The following DYNC2H1 variants were observed in gnomAD, a reference collection of about 807,000 sequenced individuals.
DYNC2H1 encodes the protein cytoplasmic dynein 2 heavy chain 1.
Under a neutral mutation model 570.0 loss-of-function variants are expected in DYNC2H1, and 410 were observed. The ratio of observed to expected loss-of-function variants is 0.72; its 90% CI spans 0.66 to 0.78. The LOEUF (loss-of-function observed/expected upper bound fraction) is 0.78. Among genes scored for constraint, DYNC2H1 ranks in the 30% least tolerant of loss-of-function variants. The pLI is 0.00. For missense variants in DYNC2H1, 4,865 were observed against 5,046.4 expected, an observed-to-expected ratio of 0.96 and a Z score of 1.09; for synonymous variants, 1,688 against 1,677.6, an observed-to-expected ratio of 1.01 and a Z score of -0.15.
At chr11:103,302,902 G>A (rs1290445006) in intron 75 of DYNC2H1, among the ~76,000 whole-genome samples, 191 bp from the exon 76 acceptor site, 1 of 151,932 alleles carries the variant, frequency 6.6e-6, no homozygotes, top group Admixed American at 6.6e-5. Context: ...TTAGAAAAAT[G>A]CCCGGCACCT....
intron 87 of DYNC2H1, among the ~76,000 whole-genome samples, chr11:103,463,506 T>G (rs141469345): frequency 1.7e-4 from 26 of 152,222 alleles, no homozygotes; most frequent in African/African-American, 6.3e-4. Context: ...TCCCAGCACT[T>G]TGGGAGGCTG....
chr11:103,191,695 ATAAGT>A (rs1298892425), intron 46 of DYNC2H1, 76 bp downstream of exon 46: 20 of 708,776 alleles, frequency 2.8e-5, no homozygotes, highest in South Asian at 4.2e-5. Flanking sequence ...TTTGTAATAG[ATAAGT>A]TAAATGCGTA....
At chr11:103,424,196 T>G (rs1465755014) in intron 84 of DYNC2H1, among the ~76,000 whole-genome samples, 2 of 152,104 alleles carry the variant, frequency 1.3e-5, no homozygotes, top group Non-Finnish European at 2.9e-5. Flanking sequence ...TGTGAATATA[T>G]TAAAACCCAC....
chr11:103,156,799 C>T (rs754439081), intron 26 of DYNC2H1, 29 bp downstream of exon 26: 4 of 1,575,204 alleles, frequency 2.5e-6, no homozygotes, highest in Non-Finnish European at 2.6e-6. Context: ...GACATAGACA[C>T]ATATGGTATT....
chr11:103,223,823 C>A (rs1863694874), intron 59 of DYNC2H1, among the ~76,000 whole-genome samples: 1 of 150,722 alleles, frequency 6.6e-6, no homozygotes, highest in Admixed American at 6.6e-5. Flanking sequence ...TCTCAGCTTA[C>A]TTCAACCTCC....
Position 103,245,318 on chromosome 11 carries a change from T to A in DYNC2H1, c.9986T>A (p.Met3329Lys), listed in dbSNP as rs765115556. The change falls in exon 65 of 89, where the codon ATG becomes AAG. Residue 3329 changes from methionine to lysine, a missense_variant. Met to Lys is a moderately conservative substitution (Grantham distance 95, BLOSUM62 -1). Around this residue, in one of 5 missense-constraint regions of DYNC2H1, gnomAD observed 2,401 missense variants for 2,454.6 expected, o/e 0.98. Coordinates refer to ENST00000375735, the MANE Select transcript of DYNC2H1 (RefSeq NM_001377.3). This position sits in a 1 kb window ranked among gnomAD's most constrained non-coding sequence, Gnocchi z 4.5. Reference sequence around the variant, plus strand: ...GGGAAAACCCTTATTATACAAGAGATGGATGGTGTAGAACCTGTTCTTTAT... The same window carrying A: ...GGGAAAACCCTTATTATACAAGAGAAGGATGGTGTAGAACCTGTTCTTTAT... ...RFGKTLIIQE[M>K]DGVEPVLYPL... The A allele has an allele frequency of 6.4e-7, 1 of 1,572,378 alleles. No homozygotes were observed. The highest frequency in any genetic ancestry group is 8.6e-7 in the Non-Finnish European group (1 of 1,157,572).
Position 103,170,189 on chromosome 11 carries a change from G to A in DYNC2H1, c.5050G>A (p.Gly1684Arg). ...TLTQAMKMGL[G>R]GNPYGPAGTG... The stretch of plus-strand genomic sequence containing the variant: ...CACTCAAGCCATGAAGATGGGACTT[G>A]GAGGAAATCCTTATGGACCAGCTGG... The change falls in exon 33 of 89, where the codon GGA (glycine) becomes AGA (arginine). Residue 1684 changes from glycine (G) to arginine (R), a missense_variant. Around this residue, in one of 5 missense-constraint regions of DYNC2H1, gnomAD observed 1,936 missense variants for 1,962.1 expected, o/e 0.99. Transcript: ENST00000375735. The surrounding 1 kb of genome is among the most constrained non-coding windows in gnomAD (Gnocchi z 4.8). 6.2e-7 allele frequency: 1 copy of A among 1,613,004 alleles called. No homozygotes were observed. The highest frequency in any genetic ancestry group is 8.5e-7 in the Non-Finnish European group (1 of 1,179,436).
Position 103,186,968 on chromosome 11 carries a change from T to A in DYNC2H1, c.6894-372T>A, listed in dbSNP as rs1862097476. Among the ~76,000 whole-genome samples the A allele has an allele frequency of 6.6e-6, 1 of 152,046 alleles. No homozygotes were observed. The highest frequency in any genetic ancestry group is 2.4e-5 in the African/African-American group (1 of 41,432). Reference sequence around the variant, plus strand: ...ATTTCTAGTAGGGGAGTAGTAATTTTAAAAATTGTATAAAATCATAGTAAT... The same window carrying A: ...ATTTCTAGTAGGGGAGTAGTAATTTAAAAAATTGTATAAAATCATAGTAAT... On this transcript the variant is annotated intron_variant, in intron 42 of 88. Coordinates refer to ENST00000375735, the MANE Select transcript of DYNC2H1 (RefSeq NM_001377.3). The surrounding 1 kb of genome is among the most constrained non-coding windows in gnomAD (Gnocchi z 4.5).
At chr11:103,376,119 T>C (rs767997300) in intron 83 of DYNC2H1, among the ~76,000 whole-genome samples, 4 of 152,178 alleles carry the variant, frequency 2.6e-5, no homozygotes, top group Non-Finnish European at 5.9e-5. Flanking sequence ...GCATTTCCCC[T>C]GCTGGCACTC....
In DYNC2H1 at chr11:103,257,767, C is replaced by A; in HGVS notation, c.10605+16C>A. On this transcript the variant is annotated intron_variant, in intron 69 of 88. Coordinates refer to ENST00000375735, the MANE Select transcript of DYNC2H1 (RefSeq NM_001377.3). The stretch of plus-strand genomic sequence containing the variant: ...AAACAAACAGGTAAGCTGTTGGATA[C>A]CCTGTACCAGAGACTGAATTACAGG... The A allele has an allele frequency of 2.6e-6, 4 of 1,557,386 alleles. No individual in the cohort carries two copies. The highest frequency in any genetic ancestry group is 3.5e-6 in the Non-Finnish European group (4 of 1,150,230).
At chr11:103,387,511 T>A (rs1007147990) in intron 83 of DYNC2H1, among the ~76,000 whole-genome samples, 15 of 152,328 alleles carry the variant, frequency 9.8e-5, no homozygotes, top group Admixed American at 8.5e-4. Context: ...TTTAATTAGA[T>A]CTCATTTGTC....
chr11:103,409,868 G>T (rs549537571), intron 84 of DYNC2H1, among the ~76,000 whole-genome samples: 2 of 152,044 alleles, frequency 1.3e-5, no homozygotes, highest in Admixed American at 1.3e-4. Context: ...AAGGTATAAG[G>T]GTTTGTCTTT....
chr11:103,323,772 A>G, intron 81 of DYNC2H1, 114 bp from the exon 82 acceptor site: 1 of 837,358 alleles, frequency 1.2e-6, no homozygotes, highest in Non-Finnish European at 1.8e-6. Flanking sequence ...ATTTATCTAG[A>G]AAATAAAAAT....
Position 103,189,966 on chromosome 11 carries a change from G to A in DYNC2H1, c.7437+150G>A. ...GAGAGTAACTGTGAAGACAGGTGCT[G>A]TGTGTGCCTTATTCACTGTTGTATC... On this transcript the variant is annotated intron_variant, in intron 45 of 88. Coordinates refer to ENST00000375735, the MANE Select transcript of DYNC2H1 (RefSeq NM_001377.3). The surrounding 1 kb of genome is among the most constrained non-coding windows in gnomAD (Gnocchi z 4.3). 1.3e-6 allele frequency: 1 copy of A among 756,906 alleles called. No individual in the cohort carries two copies. Among genetic ancestry groups the A allele is most frequent in the Non-Finnish European group, 2.0e-6 (1 of 490,122 alleles). 46.9% of individuals were successfully genotyped at this position (756,906 alleles called of 1,614,324 possible).
intron 59 of DYNC2H1, among the ~76,000 whole-genome samples, chr11:103,226,255 T>C (rs534722189): frequency 6.6e-6 from 1 of 152,270 alleles, no homozygotes; most frequent in East Asian, 1.9e-4. Context: ...CTATGTTGAA[T>C]AGAAGTGGTG....
At chr11:103,306,525 T>C (rs867696920) in intron 77 of DYNC2H1, among the ~76,000 whole-genome samples, 1 of 152,096 alleles carries the variant, frequency 6.6e-6, no homozygotes, top group African/African-American at 2.4e-5. Flanking sequence ...TTCTTTTACC[T>C]TTTAAATTTT....
At chr11:103,357,214 G>T (rs2671335) in intron 82 of DYNC2H1, among the ~76,000 whole-genome samples, 83,270 of 151,770 alleles carry the variant, frequency 0.55, 24,699 homozygotes, top group Admixed American at 0.66. Flanking sequence ...CTTAAAATGG[G>T]AATCATTAAG....
At position 103,268,030 on chromosome 11, in the gene DYNC2H1, A is replaced by G. The variant is rs967526415; in HGVS notation, c.10695+8053A>G. Among the ~76,000 whole-genome samples, 4 of 152,000 alleles carry G rather than the reference A, an allele frequency of 2.6e-5. No homozygotes were observed. Among genetic ancestry groups the G allele is most frequent in the Non-Finnish European group, 5.9e-5 (4 of 67,922 alleles). ...ATTTATACATTTTTTGTTCTTATAC[A>G]TGACTATAGTGAATATCCTATATGG... On this transcript the variant is annotated intron_variant, in intron 70 of 88. Transcript: ENST00000375735. The surrounding 1 kb of genome is among the most constrained non-coding windows in gnomAD (Gnocchi z 4.6).
At chr11:103,398,309 C>T (rs1591683505) in intron 83 of DYNC2H1, among the ~76,000 whole-genome samples, 1 of 152,038 alleles carries the variant, frequency 6.6e-6, no homozygotes, top group East Asian at 1.9e-4. Context: ...TAGACATTTT[C>T]CCCCTCTGGA....
Sources: gnomAD v4.1 joint callset for allele counts (sites outside exome capture counted in the v4.1 genomes callset) on GRCh38, gnomAD v4.1.1 for gene constraint, gnomAD v4.1.1 regional missense constraint, Gnocchi (gnomAD v3.1) non-coding constraint, MANE v1.5 for transcripts, NCBI Gene and HGNC (gene_info 2026-07-23, HGNC 2026-07-21) for gene names.